The following DLGAP2 variants were observed in gnomAD, a reference collection of about 807,000 sequenced individuals.
DLGAP2 encodes disks large-associated protein 2.
DLGAP2 carries 26 observed loss-of-function variants against 100.3 expected under a neutral mutation model. The ratio of observed to expected loss-of-function variants is 0.26; its 90% CI spans 0.19 to 0.36. DLGAP2 has a LOEUF of 0.36. Ranked by LOEUF, DLGAP2 falls within the 10% of genes least tolerant of loss-of-function variation. DLGAP2 has a pLI of 1.00. For synonymous variants in DLGAP2, 886 were observed against 630.1 expected, an observed-to-expected ratio of 1.41 and a Z score of -6.08; for missense variants, 1,858 against 1,453.2, an observed-to-expected ratio of 1.28 and a Z score of -4.53.
At chr8:1,433,429 A>C (rs1032610822) in intron 3 of DLGAP2, among the ~76,000 whole-genome samples, 10 of 152,296 alleles carry the variant, frequency 6.6e-5, no homozygotes, top group African/African-American at 2.4e-4. Flanking sequence ...CACCCGAACC[A>C]CGTGGTTTAG....
intron 6 of DLGAP2, among the ~76,000 whole-genome samples, chr8:1,625,261 C>A (rs1018283758): frequency 6.6e-6 from 1 of 152,208 alleles, no homozygotes; most frequent in Non-Finnish European, 1.5e-5. Context: ...TCATTTCTGT[C>A]CACATTTCTA....
At chr8:1,621,748 G>A (rs1430827157) in intron 6 of DLGAP2, 5 of 152,208 alleles carry the variant, frequency 3.3e-5, no homozygotes, top group African/African-American at 9.7e-5. Flanking sequence ...TCGCATTTCC[G>A]AGCCTCTGCG....
chr8:1,508,742 A>G (rs1207609394), intron 4 of DLGAP2, among the ~76,000 whole-genome samples: 1 of 150,990 alleles, frequency 6.6e-6, no homozygotes, highest in African/African-American at 2.4e-5. Flanking sequence ...CAGTGCCCGC[A>G]GGAGGCGCTG....
At chr8:1,039,545 TTGGTGTG>T (rs1304414896) in intron 2 of DLGAP2, among the ~76,000 whole-genome samples, 15 of 116,062 alleles carry the variant, frequency 1.3e-4, no homozygotes, top group Admixed American at 1.8e-4. Flanking sequence ...CGTGGTCAGC[TTGGTGTG>T]CGTGGTCAGC....
At chr8:1,339,068 C>T (rs1273458652) in intron 3 of DLGAP2, among the ~76,000 whole-genome samples, 1 of 151,544 alleles carries the variant, frequency 6.6e-6, no homozygotes, top group Non-Finnish European at 1.5e-5. Flanking sequence ...AGTGAGGCAT[C>T]AGGACCTGGC....
At chr8:1,618,887 C>G (rs541252972) in intron 6 of DLGAP2, among the ~76,000 whole-genome samples, 1 of 152,276 alleles carries the variant, frequency 6.6e-6, no homozygotes, top group African/African-American at 2.4e-5. Context: ...GAGTAGCACC[C>G]TCCTCTAAAT....
chr8:1,044,312 G>C (rs918481952), intron 2 of DLGAP2, among the ~76,000 whole-genome samples: 3 of 152,186 alleles, frequency 2.0e-5, no homozygotes, highest in African/African-American at 7.2e-5. Flanking sequence ...AACTCTCCCT[G>C]GGCAAAACTC....
chr8:1,554,452 C>A (rs1203939803), intron 5 of DLGAP2, among the ~76,000 whole-genome samples: 1 of 152,156 alleles, frequency 6.6e-6, no homozygotes, highest in East Asian at 1.9e-4. Flanking sequence ...CTCTGGCCCT[C>A]CTGCCACAGG....
chr8:1,392,653 G>A (rs1158893268), intron 3 of DLGAP2, among the ~76,000 whole-genome samples: 1 of 152,182 alleles, frequency 6.6e-6, no homozygotes, highest in Non-Finnish European at 1.5e-5. Context: ...AGTCCCGTGG[G>A]CCTGGGCCTC....
intron 2 of DLGAP2, among the ~76,000 whole-genome samples, chr8:1,135,619 A>T (rs903347801): frequency 1.4e-5 from 2 of 144,704 alleles, no homozygotes; most frequent in Non-Finnish European, 3.0e-5. Flanking sequence ...CGACATTCTC[A>T]AGGTGATCCC....
chr8:1,407,582 G>T (rs1796601916), intron 3 of DLGAP2, among the ~76,000 whole-genome samples: 1 of 113,536 alleles, frequency 8.8e-6, no homozygotes, highest in Non-Finnish European at 1.8e-5. Flanking sequence ...CGTGTATTGA[G>T]TGCTTACTGA....
chr8:980,539 T>C (rs1800300015), intron 2 of DLGAP2, among the ~76,000 whole-genome samples: 1 of 152,240 alleles, frequency 6.6e-6, no homozygotes, highest in African/African-American at 2.4e-5. Context: ...CTTATTTCTG[T>C]TCTCTCTTCG....
chr8:801,905 A>G (rs963982596), intron 1 of DLGAP2, among the ~76,000 whole-genome samples: 27 of 110,996 alleles, frequency 2.4e-4, no homozygotes, highest in African/African-American at 8.2e-4. Context: ...GCTCACTGTC[A>G]TAGTGTAATA....
rs141768167 is a variant in DLGAP2 at position 1,203,550 on chromosome 8, G to C, written c.74-55301G>C. On this transcript the variant is annotated intron_variant, in intron 2 of 14. Transcript: ENST00000637795. ...GATCTCTGTGGAACAGATGCTAAAG[G>C]TTCTCTTTTATCTAGCAGATTCTCT... Among the ~76,000 whole-genome samples the C allele has an allele frequency of 4.1e-4, 63 of 152,330 alleles. No individual in the cohort carries two copies. The East Asian group carries it at 7.9e-3, about 19-fold the overall frequency.
intron 6 of DLGAP2, among the ~76,000 whole-genome samples, chr8:1,570,604 G>T (rs1802615112): frequency 6.6e-6 from 1 of 152,238 alleles, no homozygotes; most frequent in Non-Finnish European, 1.5e-5. Flanking sequence ...CAAGAGGCTG[G>T]CTGTGGAGGC....
chr8:1,008,832 C>A (rs1007027574), intron 2 of DLGAP2, among the ~76,000 whole-genome samples: 2 of 152,218 alleles, frequency 1.3e-5, no homozygotes, highest in African/African-American at 4.8e-5. Flanking sequence ...GAGAGGGGCC[C>A]CGGGCCTCCT....
intron 1 of DLGAP2, among the ~76,000 whole-genome samples, chr8:807,291 A>G (rs1352339817): frequency 5.3e-4 from 71 of 132,858 alleles, no homozygotes; most frequent in African/African-American, 1.3e-3. Flanking sequence ...TCTCATTCAT[A>G]CGTTCTCTCT....
chr8:822,162 C>A (rs139918391), intron 1 of DLGAP2: 5 of 399,600 alleles, frequency 1.3e-5, no homozygotes, highest in Non-Finnish European at 1.3e-5. Context: ...CCTCTGCCTG[C>A]GCCCAGCCCA....
chr8:1,553,681 C>G (rs2130534172), intron 5 of DLGAP2, among the ~76,000 whole-genome samples: 1 of 152,336 alleles, frequency 6.6e-6, no homozygotes, highest in East Asian at 1.9e-4. Context: ...CAGCCGGTCC[C>G]ATCACTGAGT....
Sources: allele counts gnomAD v4.1 joint callset (sites outside exome capture counted in the v4.1 genomes callset), GRCh38; gene constraint gnomAD v4.1.1; transcripts MANE v1.5; gene names NCBI Gene and HGNC (gene_info 2026-07-23, HGNC 2026-07-21).